JAK1: variants seen among roughly 807,000 people sequenced by gnomAD.
JAK1 encodes tyrosine-protein kinase JAK1.
JAK1 carries 16 observed loss-of-function variants against 136.6 expected under a neutral mutation model. That is an observed-to-expected ratio of 0.12 (90% CI 0.08 to 0.18). JAK1 has a LOEUF of 0.18. Among genes scored for constraint, JAK1 ranks in the 10% least tolerant of loss-of-function variants. The pLI is 1.00. For missense variants in JAK1, 859 were observed against 1,450.1 expected, an observed-to-expected ratio of 0.59 and a Z score of 6.62; for synonymous variants, 492 against 519.5, an observed-to-expected ratio of 0.95 and a Z score of 0.72.
chr1:65,020,590 A>G (rs887084565), intron 2 of JAK1, among the ~76,000 whole-genome samples: 8 of 152,210 alleles, frequency 5.3e-5, no homozygotes, highest in African/African-American at 1.7e-4. Flanking sequence ...ACTTTTCTAT[A>G]TGTACTGCAT....
At chr1:65,062,831 TG>T (rs1647850186) in intron 1 of JAK1, among the ~76,000 whole-genome samples, 1 of 147,856 alleles carries the variant, frequency 6.8e-6, no homozygotes, top group African/African-American at 2.7e-5. Context: ...AACAGATACT[TG>T]ATTGATTGAT....
intron 2 of JAK1, among the ~76,000 whole-genome samples, chr1:65,014,217 C>T (rs1646873723): frequency 6.6e-6 from 1 of 151,928 alleles, no homozygotes; most frequent in Non-Finnish European, 1.5e-5. Flanking sequence ...CACTAGAAGA[C>T]CAGAGATTAT....
At chr1:65,002,132 T>C (rs1350587450) in intron 2 of JAK1, among the ~76,000 whole-genome samples, 2 of 152,224 alleles carry the variant, frequency 1.3e-5, no homozygotes, top group Non-Finnish European at 2.9e-5. Flanking sequence ...CCAATATGTA[T>C]GTATACACAA....
intron 1 of JAK1, among the ~76,000 whole-genome samples, chr1:65,053,651 G>T (rs112592448): frequency 2.6e-4 from 39 of 152,278 alleles, no homozygotes; most frequent in African/African-American, 9.1e-4. Context: ...AGGAGTTCAA[G>T]ATCAGCCTGA....
chr1:65,061,533 T>C (rs941047151), intron 1 of JAK1, among the ~76,000 whole-genome samples: 1 of 152,218 alleles, frequency 6.6e-6, no homozygotes, highest in Non-Finnish European at 1.5e-5. Context: ...CGTAAGTTGT[T>C]GGCCAAGCAG....
chr1:65,029,927 C>A (rs892507685), intron 2 of JAK1, among the ~76,000 whole-genome samples: 1 of 151,760 alleles, frequency 6.6e-6, no homozygotes, highest in African/African-American at 2.4e-5. Context: ...GAAACTTGCA[C>A]ATGTACTTCT....
At chr1:65,042,407 AAC>A (rs72477165) in intron 2 of JAK1, among the ~76,000 whole-genome samples, 12,754 of 147,270 alleles carry the variant, frequency 0.087, 808 homozygotes, top group East Asian at 0.29. Flanking sequence ...ACTCTTATTT[AAC>A]ACACACACAC....
intron 2 of JAK1, among the ~76,000 whole-genome samples, chr1:64,998,191 T>C (rs1028712095): frequency 1.3e-5 from 2 of 152,218 alleles, no homozygotes. Flanking sequence ...ACTTGGATTA[T>C]ATATTAGAAT....
chr1:65,040,974 T>C (rs545616834), intron 2 of JAK1, among the ~76,000 whole-genome samples: 2 of 152,240 alleles, frequency 1.3e-5, no homozygotes, highest in South Asian at 2.1e-4. Flanking sequence ...CAAAGATGTA[T>C]ATCATCGCTC....
chr1:64,924,187 C>T (rs1645543682), intron 1 of JAK1, among the ~76,000 whole-genome samples: 1 of 152,062 alleles, frequency 6.6e-6, no homozygotes, highest in African/African-American at 2.4e-5. Context: ...GGCAAAGTTA[C>T]AAACAAAATA....
intron 1 of JAK1, among the ~76,000 whole-genome samples, chr1:65,059,165 G>C (rs1186738160): frequency 6.6e-6 from 1 of 151,402 alleles, no homozygotes; most frequent in Non-Finnish European, 1.5e-5. Flanking sequence ...AAAAAACTTA[G>C]GTGATTTGCC....
chr1:64,991,276 C>T (rs1326010503), intron 2 of JAK1: 1 of 152,108 alleles, frequency 6.6e-6, no homozygotes, highest in Non-Finnish European at 1.5e-5. Context: ...GTGGCTTGAA[C>T]AACAAAAATA....
At chr1:64,971,636 G>A (rs1445700151) in intron 2 of JAK1, among the ~76,000 whole-genome samples, 1 of 151,406 alleles carries the variant, frequency 6.6e-6, no homozygotes, top group Admixed American at 6.6e-5. Context: ...TCGGCTCACT[G>A]CAAACTCTGC....
intron 2 of JAK1, chr1:64,993,521 A>G (rs1003596100): frequency 2.0e-5 from 3 of 152,222 alleles, no homozygotes; most frequent in African/African-American, 7.2e-5. Context: ...TCTCCTCTCC[A>G]TGAAATTTTG....
intron 2 of JAK1, among the ~76,000 whole-genome samples, chr1:65,009,229 C>A (rs930886985): frequency 6.6e-6 from 1 of 151,978 alleles, no homozygotes; most frequent in African/African-American, 2.4e-5. Flanking sequence ...CTGTTAATTA[C>A]AGAAAAAATC....
chr1:64,970,733 C>T (rs1646444137), upstream of JAK1, among the ~76,000 whole-genome samples: 1 of 148,246 alleles, frequency 6.7e-6, no homozygotes, highest in Admixed American at 6.8e-5. Flanking sequence ...CACTGCACTC[C>T]AGCCTAGACG....
At chr1:65,044,077 A>C (rs1395523030) in intron 2 of JAK1, among the ~76,000 whole-genome samples, 1 of 151,966 alleles carries the variant, frequency 6.6e-6, no homozygotes, top group Admixed American at 6.6e-5. Context: ...GGCTGGTCTC[A>C]AACTCCTGAC....
At chr1:64,887,770 A>T (rs1185221873) in intron 1 of JAK1, among the ~76,000 whole-genome samples, 1 of 152,212 alleles carries the variant, frequency 6.6e-6, no homozygotes, top group Non-Finnish European at 1.5e-5. Flanking sequence ...CATGAAGCCA[A>T]AACGGAGATA....
At chr1:64,964,183 T>C (rs1016130781) in intron 1 of JAK1, among the ~76,000 whole-genome samples, 2 of 152,168 alleles carry the variant, frequency 1.3e-5, no homozygotes, top group Admixed American at 6.5e-5. Flanking sequence ...AATGTGAAAA[T>C]GAACAAGAAA....
Sources: allele counts gnomAD v4.1 joint callset (sites outside exome capture counted in the v4.1 genomes callset), GRCh38; gene constraint gnomAD v4.1.1; transcripts MANE v1.5; gene names NCBI Gene and HGNC (gene_info 2026-07-23, HGNC 2026-07-21).